Variants in CCSER1 observed in about 807,000 individuals in gnomAD.
The protein encoded by CCSER1 is coiled-coil serine rich protein 1.
CCSER1 carries 41 observed loss-of-function variants against 82.0 expected under a neutral mutation model. The ratio of observed to expected loss-of-function variants is 0.50; its 90% CI spans 0.39 to 0.65. The LOEUF is 0.65. Ranked by LOEUF, CCSER1 falls within the 30% of genes least tolerant of loss-of-function variation. The pLI is 0.00. For missense variants in CCSER1, 1,119 were observed against 1,064.2 expected (o/e 1.05, Z -0.72); for synonymous variants, 414 against 383.9 (o/e 1.08, Z -0.92).
intron 8 of CCSER1, among the ~76,000 whole-genome samples, chr4:90,859,677 G>T (rs1283022854): frequency 6.6e-6 from 1 of 151,566 alleles, no homozygotes; most frequent in Non-Finnish European, 1.5e-5. Context: ...CAATTTTGTG[G>T]TGCAAGTATT....
chr4:91,401,632 A>AGTT (rs1411199404), intron 10 of CCSER1, among the ~76,000 whole-genome samples: 1 of 151,926 alleles, frequency 6.6e-6, no homozygotes, highest in Non-Finnish European at 1.5e-5. Context: ...CCCACCTATG[A>AGTT]GTTGAGAACA....
At chr4:91,401,980 C>T (rs929163704) in intron 10 of CCSER1, among the ~76,000 whole-genome samples, 4 of 152,228 alleles carry the variant, frequency 2.6e-5, no homozygotes, top group African/African-American at 9.6e-5. Flanking sequence ...TCCACACTGT[C>T]TTCCACAATG....
intron 10 of CCSER1, among the ~76,000 whole-genome samples, chr4:91,423,881 A>G (rs886926540): frequency 6.6e-6 from 1 of 152,094 alleles, no homozygotes; most frequent in East Asian, 1.9e-4. Context: ...GAAATGTCAT[A>G]TATAAGAGAA....
At chr4:90,876,560 A>C (rs1580884550) in intron 8 of CCSER1, among the ~76,000 whole-genome samples, 1 of 152,138 alleles carries the variant, frequency 6.6e-6, no homozygotes, top group Non-Finnish European at 1.5e-5. Flanking sequence ...TATCTCTGAG[A>C]GTTTGCTCTC....
chr4:90,887,838 C>T (rs577540964), intron 8 of CCSER1, among the ~76,000 whole-genome samples: 6 of 152,062 alleles, frequency 3.9e-5, no homozygotes, highest in East Asian at 1.9e-4. Flanking sequence ...GCTGAGATCG[C>T]GCCACTGCAC....
intron 5 of CCSER1, among the ~76,000 whole-genome samples, chr4:90,551,190 T>C (rs1285610988): frequency 1.3e-5 from 2 of 152,136 alleles, no homozygotes; most frequent in African/African-American, 2.4e-5. Context: ...CTGGGAATGA[T>C]GTTTCTGACA....
Position 90,711,594 on chromosome 4 carries a change from C to T in CCSER1, c.1933-12320C>T, listed in dbSNP as rs150703907. On this transcript the variant is annotated intron_variant, in intron 6 of 10. Coordinates refer to ENST00000509176, the MANE Select transcript of CCSER1 (RefSeq NM_001145065.2). ...TTCTGCACCTATTGAGATAATCATG[C>T]GGCTTTCACTTTTGTTCTGTTTATG... Among the ~76,000 whole-genome samples the T allele has an allele frequency of 4.7e-3, 706 of 151,796 alleles. 9 individuals are homozygous for T. Among genetic ancestry groups the T allele is most frequent in the African/African-American group, 0.016 (673 of 41,450 alleles).
chr4:91,011,516 T>G (rs1739003657), intron 9 of CCSER1, among the ~76,000 whole-genome samples: 1 of 133,958 alleles, frequency 7.5e-6, no homozygotes, highest in Non-Finnish European at 1.7e-5. Flanking sequence ...CCCTCTCTGA[T>G]GCAGAGTTGA....
At chr4:91,049,460 G>T (rs1742810297) in intron 9 of CCSER1, among the ~76,000 whole-genome samples, 1 of 152,208 alleles carries the variant, frequency 6.6e-6, no homozygotes, top group African/African-American at 2.4e-5. Flanking sequence ...TTTAGTTGAA[G>T]CTAGTGGAGA....
chr4:90,237,734 C>T (rs983926579), intron 1 of CCSER1, among the ~76,000 whole-genome samples: 1 of 152,116 alleles, frequency 6.6e-6, no homozygotes, highest in Admixed American at 6.6e-5. Context: ...TTCTTAACGT[C>T]TGAATTTATG....
intron 8 of CCSER1, among the ~76,000 whole-genome samples, chr4:90,819,737 C>T (rs1037840224): frequency 2.0e-5 from 3 of 152,062 alleles, no homozygotes; most frequent in Non-Finnish European, 4.4e-5. Context: ...GCTGTTTGTA[C>T]TCTTAGGAAC....
chr4:91,045,234 A>G (rs1305477255), intron 9 of CCSER1, among the ~76,000 whole-genome samples: 2 of 152,234 alleles, frequency 1.3e-5, no homozygotes, highest in African/African-American at 2.4e-5. Flanking sequence ...TCTGTCAAGT[A>G]AAATTCTTGA....
chr4:90,143,922 T>A (rs893397842), intron 1 of CCSER1, among the ~76,000 whole-genome samples: 8 of 152,112 alleles, frequency 5.3e-5, no homozygotes, highest in African/African-American at 1.9e-4. Flanking sequence ...ACTCCTGGGC[T>A]CAAGCAGTCC....
In CCSER1 at chr4:90,533,084, G is replaced by GTTT. The variant is rs59215370; in HGVS notation, c.1724+64753_1724+64755dup. Among the ~76,000 whole-genome samples, 600 of 89,050 alleles carry GTTT rather than the reference G, an allele frequency of 6.7e-3. 5 individuals carry two copies. Among genetic ancestry groups the GTTT allele is most frequent in the African/African-American group, 8.0e-3 (157 of 19,734 alleles). The allele number at this position is 89,050 out of a possible 152,430, so 58.4% of individuals were successfully genotyped here. On this transcript the variant is annotated intron_variant, in intron 5 of 10. Transcript: ENST00000509176. ...ATTTGAATATGCAAAATTTCTGTGG[G>GTTT]TTTTTTTTTTTTTTTTTTTTTTTTT...
chr4:91,244,082 T>C (rs779937499), intron 10 of CCSER1, among the ~76,000 whole-genome samples: 1 of 152,102 alleles, frequency 6.6e-6, no homozygotes, highest in Non-Finnish European at 1.5e-5. Flanking sequence ...CGCAAACTGA[T>C]AGAAGAGTCC....
intron 10 of CCSER1, among the ~76,000 whole-genome samples, chr4:91,324,588 TAAC>T (rs1376804278): frequency 6.6e-6 from 1 of 152,186 alleles, no homozygotes; most frequent in Non-Finnish European, 1.5e-5. Flanking sequence ...AACAGATGAA[TAAC>T]AACTATAAAC....
chr4:90,847,329 T>C (rs2149906869), intron 8 of CCSER1, among the ~76,000 whole-genome samples: 1 of 152,322 alleles, frequency 6.6e-6, no homozygotes, highest in African/African-American at 2.4e-5. Flanking sequence ...GAGCACCCCA[T>C]CTGGCCTGCG....
At chr4:91,125,843 G>A (rs1458306973) in intron 10 of CCSER1, among the ~76,000 whole-genome samples, 1 of 151,644 alleles carries the variant, frequency 6.6e-6, no homozygotes, top group Non-Finnish European at 1.5e-5. Flanking sequence ...ACAAGAATTA[G>A]TTTTTTAAAA....
At chr4:90,214,279 G>C (rs1740611715) in intron 1 of CCSER1, among the ~76,000 whole-genome samples, 1 of 152,108 alleles carries the variant, frequency 6.6e-6, no homozygotes, top group Non-Finnish European at 1.5e-5. Flanking sequence ...GTCTATAGAA[G>C]TTCTTTTCAA....
Sources: allele counts gnomAD v4.1 joint callset (sites outside exome capture counted in the v4.1 genomes callset), GRCh38; gene constraint gnomAD v4.1.1; transcripts MANE v1.5; gene names NCBI Gene and HGNC (gene_info 2026-07-23, HGNC 2026-07-21).